Variants in MYO18A observed in about 807,000 individuals in gnomAD.
The protein encoded by MYO18A is myosin XVIIIA, also known as unconventional myosin-XVIIIa.
A neutral mutation model predicts 235.8 loss-of-function variants in MYO18A; 78 were observed. The observed-to-expected ratio is 0.33, with a 90% CI of 0.28 to 0.40. The LOEUF (loss-of-function observed/expected upper bound fraction) is 0.40. Ranked by LOEUF, MYO18A falls within the 10% of genes least tolerant of loss-of-function variation. The pLI is 1.00. For synonymous variants in MYO18A, 977 were observed against 1,077.8 expected (o/e 0.91, Z 1.83); for missense variants, 2,215 against 2,699.3 (o/e 0.82, Z 3.98).
At chr17:29,167,445 C>T (rs1465390510) in intron 1 of MYO18A, among the ~76,000 whole-genome samples, 1 of 152,104 alleles carries the variant, frequency 6.6e-6, no homozygotes, top group Non-Finnish European at 1.5e-5. Flanking sequence ...GGCAGGGTGG[C>T]TCATGCCTGT....
chr17:29,090,380 G>A (rs2066367750), intron 36 of MYO18A, among the ~76,000 whole-genome samples, 152 bp downstream of exon 36: 1 of 152,228 alleles, frequency 6.6e-6, no homozygotes, highest in Admixed American at 6.5e-5. Context: ...ATGGTGACAT[G>A]GCTCCAAGCC....
Position 29,125,021 on chromosome 17 carries a change from G to A in MYO18A, c.1000-2768C>T, listed in dbSNP as rs931189820. ...GCAGTCTCTCCTGGGCTGGCCATCCGGTCTATTCTGAATCAGGCTCCCTCT... is the reference window on the plus strand; with the variant it reads ...GCAGTCTCTCCTGGGCTGGCCATCCAGTCTATTCTGAATCAGGCTCCCTCT... On this transcript the variant is annotated intron_variant, in intron 2 of 41. Transcript: ENST00000527372. This position sits in a 1 kb window ranked among gnomAD's most constrained non-coding sequence, Gnocchi z 5.1. Among the ~76,000 whole-genome samples, 2 of 152,268 alleles carry A rather than the reference G, an allele frequency of 1.3e-5. No homozygotes were observed. Among genetic ancestry groups the A allele is most frequent in the Admixed American group, 6.5e-5 (1 of 15,298 alleles).
intron 1 of MYO18A, among the ~76,000 whole-genome samples, chr17:29,178,971 C>A (rs1303776086): frequency 6.6e-6 from 1 of 152,212 alleles, no homozygotes; most frequent in Non-Finnish European, 1.5e-5. Flanking sequence ...CTGATGAGGC[C>A]TTCTCGGCCA....
chr17:29,085,387 G>A (rs976469959), intron 40 of MYO18A, among the ~76,000 whole-genome samples: 2 of 152,212 alleles, frequency 1.3e-5, no homozygotes, highest in Admixed American at 6.5e-5. Flanking sequence ...AAGGGTGCAC[G>A]GGCCAGCCCC....
In MYO18A at chr17:29,111,961, A is replaced by G. The variant is rs207476352; in HGVS notation, c.2599-98T>C. 3 of 1,407,578 alleles carry G rather than the reference A, an allele frequency of 2.1e-6. No individual in the cohort carries two copies. The African/African-American group carries it at 4.3e-5, about 20-fold the overall frequency. 87.2% of individuals were successfully genotyped at this position (1,407,578 alleles called of 1,614,324 possible). A position where few individuals can be genotyped will look rare whatever the true frequency, so the allele number is the denominator to read the frequency against. On this transcript the variant is annotated intron_variant, in intron 15 of 41. Coordinates refer to ENST00000527372, the MANE Select transcript of MYO18A (RefSeq NM_078471.4). This position sits in a 1 kb window ranked among gnomAD's most constrained non-coding sequence, Gnocchi z 5.1. Reference sequence around the variant, plus strand: ...AAACACACCCTACAGAATGCTACACATGTGCACACATGCACACACGCACAT... The same window carrying G: ...AAACACACCCTACAGAATGCTACACGTGTGCACACATGCACACACGCACAT...
At chr17:29,090,203 G>T in intron 36 of MYO18A, 105 bp from the exon 37 acceptor site, 1 of 1,312,342 alleles carries the variant, frequency 7.6e-7, no homozygotes, top group Non-Finnish European at 1.0e-6. Flanking sequence ...GCAAGGGGAG[G>T]GAGGGATGCA....
chr17:29,083,751 T>C (rs2066181959), intron 40 of MYO18A, among the ~76,000 whole-genome samples: 1 of 152,162 alleles, frequency 6.6e-6, no homozygotes, highest in African/African-American at 2.4e-5. Context: ...CGTCCGAGCC[T>C]GGCAGATTTA....
rs1342737157 is a variant in MYO18A, at chr17:29,122,057, CCTCTCCT to C, written c.1087+102_1088-101del. The C allele has an allele frequency of 2.0e-6, 3 of 1,512,676 alleles. No individual in the cohort carries two copies. In the African/African-American group the frequency reaches 4.1e-5, roughly 21 times the overall value. The allele number at this position is 1,512,676 out of a possible 1,614,324, so 93.7% of individuals were successfully genotyped here. The stretch of plus-strand genomic sequence containing the variant: ...ATCCTCCCCCCCACTGCATCACCAG[CCTCTCCT>C]TGCTCACTGCTCAGCCCTCACCAGA... On this transcript the variant is annotated intron_variant, in intron 3 of 41. Coordinates refer to ENST00000527372, the MANE Select transcript of MYO18A (RefSeq NM_078471.4).
In MYO18A at chr17:29,125,376, G is replaced by C. The variant is rs2067296750; in HGVS notation, c.1000-3123C>G. ...TCTAGATCCAACCTGGGGACCACTTGACAGCTGCCCAAGAGCAAAGGCACT... is the reference window on the plus strand; with the variant it reads ...TCTAGATCCAACCTGGGGACCACTTCACAGCTGCCCAAGAGCAAAGGCACT... On this transcript the variant is annotated intron_variant, in intron 2 of 41. Coordinates refer to ENST00000527372, the MANE Select transcript of MYO18A (RefSeq NM_078471.4). The surrounding 1 kb of genome is among the most constrained non-coding windows in gnomAD (Gnocchi z 5.1). 6.6e-6 allele frequency among the ~76,000 whole-genome samples: 1 copy of C among 152,212 alleles called. No homozygotes were observed. The highest frequency in any genetic ancestry group is 1.5e-5 in the Non-Finnish European group (1 of 68,038).
chr17:29,073,927 T>G lies in MYO18A; in HGVS notation c.*843A>C. ...GACAGAGCAGGAGGGAGGCAGTGCT[T>G]GGATCAGCCCTGAACTGCTGTAGTT... On this transcript the variant is annotated 3_prime_UTR_variant, in exon 42 of 42. Transcript: ENST00000527372. The G allele has an allele frequency of 6.2e-7, 1 of 1,613,918 alleles. No individual in the cohort carries two copies. The highest frequency in any genetic ancestry group is 8.5e-7 in the Non-Finnish European group (1 of 1,179,878).
intron 2 of MYO18A, among the ~76,000 whole-genome samples, chr17:29,139,013 G>A (rs986718871): frequency 1.3e-5 from 2 of 152,214 alleles, no homozygotes; most frequent in Non-Finnish European, 2.9e-5. Flanking sequence ...TGAAGGCCAT[G>A]CTGCCAGACA....
intron 2 of MYO18A, among the ~76,000 whole-genome samples, chr17:29,163,760 T>C (rs2068222368): frequency 1.3e-5 from 2 of 152,240 alleles, no homozygotes. Context: ...CACAGAGGCC[T>C]TGCTGTGGTT....
At chr17:29,131,277 G>A (rs1012190060) in intron 2 of MYO18A, 3 of 624,494 alleles carry the variant, frequency 4.8e-6, no homozygotes, top group Non-Finnish European at 6.0e-6. Context: ...TCCAGGGCTA[G>A]TGGGTGCAGG....
chr17:29,105,188 A>G (rs953973520), intron 20 of MYO18A, among the ~76,000 whole-genome samples: 7 of 150,778 alleles, frequency 4.6e-5, no homozygotes, highest in African/African-American at 1.5e-4. Flanking sequence ...AAAAAAAAAA[A>G]AAAAAAAAGA....
chr17:29,110,697 G>T, intron 17 of MYO18A, 75 bp from the exon 18 acceptor site: 4 of 1,442,356 alleles, frequency 2.8e-6, no homozygotes, highest in Non-Finnish European at 3.7e-6. Flanking sequence ...CTCCCCCAAG[G>T]CCCCAGAACA....
chr17:29,122,256 G>C lies in MYO18A; in HGVS notation c.1000-3C>G. 1 of 1,609,564 alleles carries C rather than the reference G, an allele frequency of 6.2e-7. No individual in the cohort carries two copies. The highest frequency in any genetic ancestry group is 1.3e-5 in the African/African-American group (1 of 74,986). ...GCAATCTGTTCTTCTGTTTTCGCCT[G>C]TCAGAGAGAGAGAAGAATAAACAGG... On this transcript the variant is annotated splice_region_variant and splice_polypyrimidine_tract_variant and intron_variant, in intron 2 of 41. Coordinates refer to ENST00000527372, the MANE Select transcript of MYO18A (RefSeq NM_078471.4).
intron 2 of MYO18A, among the ~76,000 whole-genome samples, chr17:29,154,099 A>AGTGTGTGTGT (rs200703096): frequency 2.7e-4 from 40 of 149,380 alleles, no homozygotes; most frequent in Admixed American, 1.2e-3. Flanking sequence ...TAAATTCTGC[A>AGTGTGTGTGT]GAGTGTGTGT....
Position 29,110,055 on chromosome 17 carries a change from T to G in MYO18A, c.3134A>C (p.His1045Pro). The G allele has an allele frequency of 6.2e-7, 1 of 1,612,930 alleles. No homozygotes were observed. The highest frequency in any genetic ancestry group is 1.3e-5 in the African/African-American group (1 of 75,050). ...TIKKSKLHFVHCFLPVAEGWA... is the reference protein window; with the variant it reads ...TIKKSKLHFVPCFLPVAEGWA... Reference sequence around the variant, plus strand: ...GCCCTCAGCTACAGGCAGGAAGCAGTGCACAAAATGCAGCTTTGACTTCTT... The same window carrying G: ...GCCCTCAGCTACAGGCAGGAAGCAGGGCACAAAATGCAGCTTTGACTTCTT... The change falls in exon 19 of 42, where the codon CAC becomes CCC. Residue 1045 changes from histidine to proline, a missense_variant. By Grantham distance (77) the His-to-Pro change is moderately conservative. Coordinates refer to ENST00000527372, the MANE Select transcript of MYO18A (RefSeq NM_078471.4).
chr17:29,155,880 C>A (rs2068056065), intron 2 of MYO18A, among the ~76,000 whole-genome samples: 1 of 152,218 alleles, frequency 6.6e-6, no homozygotes, highest in Non-Finnish European at 1.5e-5. Flanking sequence ...CCCTACAGCT[C>A]CAGAAGCCCA....
Sources: gnomAD v4.1 joint callset for allele counts (sites outside exome capture counted in the v4.1 genomes callset) on GRCh38, gnomAD v4.1.1 for gene constraint, Gnocchi (gnomAD v3.1) non-coding constraint, MANE v1.5 for transcripts, NCBI Gene and HGNC (gene_info 2026-07-23, HGNC 2026-07-21) for gene names.